Variants in DEUP1 observed in about 807,000 individuals in gnomAD.
The protein encoded by DEUP1 is deuterosome assembly protein 1.
A neutral mutation model predicts 87.4 loss-of-function variants in DEUP1; 82 were observed. That is an observed-to-expected ratio of 0.94 (90% CI 0.78 to 1.13). The LOEUF (loss-of-function observed/expected upper bound fraction) is 1.13. Ranked by LOEUF, DEUP1 falls within the 50% of genes most tolerant of loss-of-function variation. The pLI, the probability that DEUP1 is intolerant of heterozygous loss-of-function variation, is 0.00. For synonymous variants in DEUP1, 214 were observed against 222.7 expected (o/e 0.96, Z 0.35); for missense variants, 663 against 681.5 (o/e 0.97, Z 0.30).
At chr11:93,436,859 G>C (rs1948261403) in intron 13 of DEUP1, among the ~76,000 whole-genome samples, 2 of 152,096 alleles carry the variant, frequency 1.3e-5, no homozygotes. Flanking sequence ...AAAATTATCT[G>C]ATGTTGTCCT....
intron 4 of DEUP1, among the ~76,000 whole-genome samples, chr11:93,359,288 C>T (rs1480643008): frequency 6.6e-6 from 1 of 152,132 alleles, no homozygotes; most frequent in Non-Finnish European, 1.5e-5. Context: ...CACACCCTGC[C>T]TTGAATAACT....
intron 13 of DEUP1, among the ~76,000 whole-genome samples, chr11:93,434,245 C>A (rs979022519): frequency 2.6e-4 from 40 of 152,138 alleles, no homozygotes; most frequent in African/African-American, 8.9e-4. Context: ...AAGCCACAGC[C>A]CCTCATGCTG....
chr11:93,388,275 T>C (rs564503325), intron 8 of DEUP1, among the ~76,000 whole-genome samples: 192 of 152,288 alleles, frequency 1.3e-3, no homozygotes, highest in African/African-American at 4.4e-3. Flanking sequence ...AGTGGATATG[T>C]TCCTCAAAAC....
At position 93,353,567 on chromosome 11, in the gene DEUP1, G is replaced by A. The variant is rs140724572; in HGVS notation, c.30-1804G>A. ...TGCCCTGCCCTAGCAGAGGTTCTCT[G>A]TGAGGGCCCCGCCCCGAAGCAAACT... On this transcript the variant is annotated intron_variant, in intron 2 of 13. Coordinates refer to ENST00000298050, the MANE Select transcript of DEUP1 (RefSeq NM_181645.4). Among the ~76,000 whole-genome samples, 711 of 152,340 alleles carry A rather than the reference G, an allele frequency of 4.7e-3. 4 individuals carry two copies. Among genetic ancestry groups the A allele is most frequent in the African/African-American group, 0.016 (684 of 41,576 alleles).
rs112734393 is a variant in DEUP1, at chr11:93,401,706, C to T, written c.1326+5381C>T. 1.6e-3 allele frequency among the ~76,000 whole-genome samples: 238 copies of T among 151,912 alleles called. 1 individual carries two copies. The highest frequency in any genetic ancestry group is 5.5e-3 in the African/African-American group (227 of 41,458). ...TACCACTTCACACCCACTAGAATGA[C>T]TAAAATTAGATATATTGAAAATAAT... On this transcript the variant is annotated intron_variant, in intron 11 of 13. Transcript: ENST00000298050.
At chr11:93,357,913 A>G (rs1211776501) in intron 4 of DEUP1, among the ~76,000 whole-genome samples, 1 of 152,182 alleles carries the variant, frequency 6.6e-6, no homozygotes, top group Non-Finnish European at 1.5e-5. Flanking sequence ...CATTTTGCCT[A>G]TAGTTCAAGT....
At chr11:93,431,376 C>T (rs1023566865) in intron 13 of DEUP1, among the ~76,000 whole-genome samples, 1 of 151,858 alleles carries the variant, frequency 6.6e-6, no homozygotes, top group Non-Finnish European at 1.5e-5. Context: ...GGTTGGGGGA[C>T]CTTCTGGAGC....
chr11:93,411,781 T>C (rs1947443116), intron 12 of DEUP1, among the ~76,000 whole-genome samples: 1 of 152,200 alleles, frequency 6.6e-6, no homozygotes, highest in African/African-American at 2.4e-5. Flanking sequence ...AATGAATTTA[T>C]GATTTTAAAA....
intron 2 of DEUP1, among the ~76,000 whole-genome samples, chr11:93,344,400 C>T (rs148772891): frequency 1.3e-5 from 2 of 151,776 alleles, no homozygotes; most frequent in African/African-American, 4.8e-5. Flanking sequence ...AAGTTAAGAC[C>T]TAACTTAACT....
intron 12 of DEUP1, among the ~76,000 whole-genome samples, chr11:93,413,728 T>A (rs1485650283): frequency 6.6e-6 from 1 of 152,236 alleles, no homozygotes; most frequent in African/African-American, 2.4e-5. Flanking sequence ...GTTTTCAGTC[T>A]CATTTTCTAA....
chr11:93,375,348 G>A (rs1234023132), intron 7 of DEUP1, among the ~76,000 whole-genome samples: 1 of 152,132 alleles, frequency 6.6e-6, no homozygotes, highest in Non-Finnish European at 1.5e-5. Flanking sequence ...AGTGCTGAGA[G>A]TGGGCATCCT....
intron 2 of DEUP1, among the ~76,000 whole-genome samples, chr11:93,345,705 T>A (rs924653978): frequency 1.3e-5 from 2 of 152,166 alleles, no homozygotes; most frequent in African/African-American, 4.8e-5. Context: ...TGGGGTTGTT[T>A]GCTTTTTTTT....
At chr11:93,354,810 G>C (rs1471650816) in intron 2 of DEUP1, among the ~76,000 whole-genome samples, 1 of 152,130 alleles carries the variant, frequency 6.6e-6, no homozygotes, top group African/African-American at 2.4e-5. Flanking sequence ...GGAATTCTGG[G>C]AGATACAATT....
chr11:93,427,784 AAAC>A (rs1265596607), intron 13 of DEUP1, among the ~76,000 whole-genome samples: 2 of 142,498 alleles, frequency 1.4e-5, no homozygotes, highest in African/African-American at 2.6e-5. Context: ...TACAAGAAAA[AAAC>A]AAACAACCCC....
intron 2 of DEUP1, among the ~76,000 whole-genome samples, chr11:93,349,271 T>C (rs1021376450): frequency 2.0e-5 from 3 of 152,168 alleles, no homozygotes; most frequent in African/African-American, 7.2e-5. Flanking sequence ...TTAATAAGGA[T>C]AAATACACAG....
intron 12 of DEUP1, among the ~76,000 whole-genome samples, chr11:93,409,314 A>G (rs1425091187): frequency 6.6e-6 from 1 of 152,210 alleles, no homozygotes; most frequent in Non-Finnish European, 1.5e-5. Flanking sequence ...TACTCTGTAA[A>G]AGGTCTTATT....
Position 93,369,755 on chromosome 11 carries a change from C to A in DEUP1, c.433-318C>A, listed in dbSNP as rs1416632270. Among the ~76,000 whole-genome samples the A allele has an allele frequency of 1.0e-4, 2 of 19,802 alleles. 1 individual carries two copies. Among genetic ancestry groups the A allele is most frequent in the Non-Finnish European group, 1.9e-4 (2 of 10,506 alleles). 13.0% of individuals were successfully genotyped at this position (19,802 alleles called of 152,430 possible). On this transcript the variant is annotated intron_variant, in intron 5 of 13. Coordinates refer to ENST00000298050, the MANE Select transcript of DEUP1 (RefSeq NM_181645.4). ...GACCATCCTGGCTAACACGGTGAAACCCCGTCTCTACTAAAAATACAAAAA... is the reference window on the plus strand; with the variant it reads ...GACCATCCTGGCTAACACGGTGAAAACCCGTCTCTACTAAAAATACAAAAA...
Position 93,379,258 on chromosome 11 carries a change from GA to G in DEUP1, c.790-6133del, listed in dbSNP as rs373443827. Among the ~76,000 whole-genome samples, 93 of 152,050 alleles carry G rather than the reference GA, an allele frequency of 6.1e-4. 1 individual carries two copies. In the East Asian group the frequency reaches 0.011, roughly 18 times the overall value. On this transcript the variant is annotated intron_variant, in intron 7 of 13. Transcript: ENST00000298050. ...TACTTTTACACCTGTATTCTTTGGG[GA>G]AAAAAAGATCCTCTGTACCTCTTTC...
chr11:93,414,157 G>A (rs888705218), intron 12 of DEUP1, among the ~76,000 whole-genome samples: 1 of 152,108 alleles, frequency 6.6e-6, no homozygotes, highest in African/African-American at 2.4e-5. Context: ...AGGAGCTTAG[G>A]AGATGGTGTA....
Sources: allele counts gnomAD v4.1 joint callset (sites outside exome capture counted in the v4.1 genomes callset), GRCh38; gene constraint gnomAD v4.1.1; transcripts MANE v1.5; gene names NCBI Gene and HGNC (gene_info 2026-07-23, HGNC 2026-07-21).